The following REV1 variants were observed in gnomAD, a reference collection of about 807,000 sequenced individuals.
The protein encoded by REV1 is REV1 DNA directed polymerase.
REV1 carries 42 observed loss-of-function variants against 137.4 expected under a neutral mutation model. That is an observed-to-expected ratio of 0.31 (90% CI 0.24 to 0.40). The LOEUF is 0.40. Ranked by LOEUF, REV1 falls within the 10% of genes least tolerant of loss-of-function variation. The pLI is 1.00. For missense variants in REV1, 1,282 were observed against 1,490.1 expected (o/e 0.86, Z 2.30); for synonymous variants, 524 against 519.2 (o/e 1.01, Z -0.12).
chr2:99,406,184 A>T (rs867789666), intron 16 of REV1, 78 bp from the exon 17 acceptor site: 6 of 1,404,888 alleles, frequency 4.3e-6, no homozygotes, highest in African/African-American at 1.5e-5. Context: ...TTACAAATAA[A>T]AAAACTTTAT....
rs1412065959 is a variant in REV1, at chr2:99,476,513, G to A, written c.-10-11528C>T. ...GGAGGTTGCAGTGAGCCCAGATTGC[G>A]CCATTGCACTCCAGGCTGGGTGACA... On this transcript the variant is annotated intron_variant, in intron 1 of 22. Coordinates refer to ENST00000258428, the MANE Select transcript of REV1 (RefSeq NM_016316.4). Among the ~76,000 whole-genome samples, 5 of 152,030 alleles carry A rather than the reference G, an allele frequency of 3.3e-5. No homozygotes were observed. In the East Asian group the frequency reaches 5.8e-4, roughly 18 times the overall value.
chr2:99,424,255 A>G lies in REV1; in HGVS notation c.1573T>C (p.Phe525Leu). ...ARQLGIKNGM[F>L]FGHAKQLCPN... ...CATAGTTGTTTAGCATGCCCAAAAA[A>G]CATTCCGTTCTTAATGCCAAGTTGC... is the stretch of plus-strand genomic sequence containing the variant. The change falls in exon 10 of 23, where the codon TTT (phenylalanine) becomes CTT (leucine). Residue 525 changes from phenylalanine to leucine, a missense_variant. Physicochemically the swap from Phe to Leu is conservative, Grantham distance 22. Transcript: ENST00000258428. The G allele has an allele frequency of 6.2e-7, 1 of 1,613,888 alleles. No homozygotes were observed. Among genetic ancestry groups the G allele is most frequent in the Non-Finnish European group, 8.5e-7 (1 of 1,179,884 alleles).
At chr2:99,455,808 T>C (rs1356818025) in intron 3 of REV1, among the ~76,000 whole-genome samples, 2 of 152,212 alleles carry the variant, frequency 1.3e-5, no homozygotes, top group Non-Finnish European at 2.9e-5. Flanking sequence ...AACAAATCCT[T>C]ATTTGAAATA....
chr2:99,467,971 G>A (rs1196623031), intron 1 of REV1, among the ~76,000 whole-genome samples: 1 of 152,088 alleles, frequency 6.6e-6, no homozygotes, highest in African/African-American at 2.4e-5. Flanking sequence ...ACGTGAGGCG[G>A]GGAGTTTGAG....
At position 99,424,286 on chromosome 2, in the gene REV1, G is replaced by A. The variant is rs1476796196; in HGVS notation, c.1548-6C>T. ...CGTTCTTAATGCCAAGTTGCCTAGA[G>A]CGAGAACAAAACACAATGGAGGTTA... On this transcript the variant is annotated splice_polypyrimidine_tract_variant and splice_region_variant and intron_variant, in intron 9 of 22. Transcript: ENST00000258428. 1.2e-6 allele frequency: 2 copies of A among 1,611,958 alleles called. No individual in the cohort carries two copies. Among genetic ancestry groups the A allele is most frequent in the Non-Finnish European group, 1.7e-6 (2 of 1,179,376 alleles).
chr2:99,416,912 C>CAAAAAAA (rs755184253), intron 12 of REV1, among the ~76,000 whole-genome samples: 8,173 of 77,118 alleles, frequency 0.11, 629 homozygotes, highest in East Asian at 0.18. Flanking sequence ...GACTCCATCT[C>CAAAAAAA]AAAAAAAAAA....
chr2:99,414,382 T>C (rs1335623042), intron 12 of REV1, among the ~76,000 whole-genome samples: 1 of 152,070 alleles, frequency 6.6e-6, no homozygotes, highest in Non-Finnish European at 1.5e-5. Context: ...GCGTGCTCGT[T>C]CACAATTGTG....
intron 20 of REV1, 43 bp from the exon 21 acceptor site, chr2:99,402,843 A>T (rs1312344297): frequency 2.5e-6 from 4 of 1,613,062 alleles, no homozygotes; most frequent in Non-Finnish European, 3.4e-6. Flanking sequence ...TTCACACATT[A>T]TCCAGGTATA....
intron 1 of REV1, among the ~76,000 whole-genome samples, chr2:99,480,192 G>A (rs1019077752): frequency 1.3e-5 from 2 of 152,158 alleles, no homozygotes; most frequent in Non-Finnish European, 2.9e-5. Context: ...TCATGGTGGT[G>A]CACGCCCATG....
intron 1 of REV1, among the ~76,000 whole-genome samples, chr2:99,483,121 T>TA (rs372793152): frequency 6.3e-4 from 94 of 150,356 alleles, no homozygotes; most frequent in East Asian, 7.8e-4. Flanking sequence ...TTAAATGCTT[T>TA]AAAAAAAAAG....
At chr2:99,462,811 G>C (rs1266083905) in intron 2 of REV1, 189 bp from the exon 3 acceptor site, 6 of 529,192 alleles carry the variant, frequency 1.1e-5, no homozygotes, top group Non-Finnish European at 1.9e-5. Flanking sequence ...AGTTGGGCCG[G>C]GCGCAGTGGC....
chr2:99,413,845 C>T (rs945163776), intron 12 of REV1, among the ~76,000 whole-genome samples: 5 of 152,162 alleles, frequency 3.3e-5, no homozygotes, highest in Non-Finnish European at 5.9e-5. Flanking sequence ...GAAAAGACAG[C>T]GTTGTGTTTC....
In REV1 at chr2:99,424,390, A is replaced by C; in HGVS notation, c.1548-110T>G. ...GCCACTAATTTATAATTTCCACTTA[A>C]CTCCATTCTCATTAGGGATTAAAGA... On this transcript the variant is annotated intron_variant, in intron 9 of 22. Coordinates refer to ENST00000258428, the MANE Select transcript of REV1 (RefSeq NM_016316.4). The C allele has an allele frequency of 3.5e-6, 4 of 1,155,034 alleles. No homozygotes were observed. In the South Asian group the frequency reaches 6.3e-5, roughly 18 times the overall value. The allele number at this position is 1,155,034 out of a possible 1,614,324, so 71.5% of individuals were successfully genotyped here. A position where few individuals can be genotyped will look rare whatever the true frequency, so the allele number is the denominator to read the frequency against.
At chr2:99,446,628 G>A (rs1227969122) in intron 4 of REV1, among the ~76,000 whole-genome samples, 1 of 151,902 alleles carries the variant, frequency 6.6e-6, no homozygotes, top group African/African-American at 2.4e-5. Flanking sequence ...CTGAGTAGCT[G>A]GGATTACAGG....
chr2:99,464,925 T>A lies in REV1; in HGVS notation c.51A>T (p.Thr17=). The change falls in exon 2 of 23, where the codon ACA becomes ACT. Residue 17 remains threonine, a synonymous_variant. Coordinates refer to ENST00000258428, the MANE Select transcript of REV1 (RefSeq NM_016316.4). ...RKRAENDGWE[T]WGGYMAAKVQ... ...TTTTTACTCTTTTAAAACACACCCA[T>A]GTTTCCCAGCCATCATTTTCAGCTC... 2 of 1,613,334 alleles carry A rather than the reference T, an allele frequency of 1.2e-6. No individual in the cohort carries two copies. Among genetic ancestry groups the A allele is most frequent in the Non-Finnish European group, 1.7e-6 (2 of 1,179,480 alleles).
chr2:99,440,753 A>C (rs892791362), intron 5 of REV1, among the ~76,000 whole-genome samples: 3 of 152,214 alleles, frequency 2.0e-5, no homozygotes, highest in Admixed American at 1.3e-4. Context: ...CCCCAAAAAA[A>C]CCCCAGAAAA....
chr2:99,431,309 A>G (rs1680086716), intron 8 of REV1, among the ~76,000 whole-genome samples: 1 of 152,232 alleles, frequency 6.6e-6, no homozygotes, highest in African/African-American at 2.4e-5. Flanking sequence ...TGACATATGA[A>G]TAACGTATGC....
chr2:99,478,981 G>A (rs1686281565), intron 1 of REV1, among the ~76,000 whole-genome samples: 3 of 152,174 alleles, frequency 2.0e-5, no homozygotes, highest in African/African-American at 7.2e-5. Flanking sequence ...GTCCTAAGTA[G>A]AATGAATTTC....
intron 3 of REV1, among the ~76,000 whole-genome samples, chr2:99,461,012 G>A (rs1684125806): frequency 1.0e-5 from 1 of 98,952 alleles, no homozygotes; most frequent in Non-Finnish European, 2.0e-5. Flanking sequence ...GCTAATGTAA[G>A]AAGCAATGCC....
Sources: allele counts gnomAD v4.1 joint callset (sites outside exome capture counted in the v4.1 genomes callset), GRCh38; gene constraint gnomAD v4.1.1; transcripts MANE v1.5; gene names NCBI Gene and HGNC (gene_info 2026-07-23, HGNC 2026-07-21).